The following IQCN variants were observed in gnomAD, a reference collection of about 807,000 sequenced individuals.
IQCN encodes IQ domain-containing protein N.
Under a neutral mutation model 64.4 loss-of-function variants are expected in IQCN, and 46 were observed. That is an observed-to-expected ratio of 0.71 (90% CI 0.56 to 0.91). The LOEUF (loss-of-function observed/expected upper bound fraction) is 0.91. IQCN is among the 40% of genes least tolerant of loss of function. The pLI is 0.00. For synonymous variants in IQCN, 733 were observed against 775.6 expected (o/e 0.95, Z 0.91); for missense variants, 1,753 against 1,857.4 (o/e 0.94, Z 1.03).
Position 18,267,875 on chromosome 19 carries a change from C to G in IQCN, c.14-349G>C, listed in dbSNP as rs143258879. ...TGCTGTGATCTTGGCTCACCACAACCTCCGCCTCCTGGGTTCAAGCGATTC... is the reference window on the plus strand; with the variant it reads ...TGCTGTGATCTTGGCTCACCACAACGTCCGCCTCCTGGGTTCAAGCGATTC... On this transcript the variant is annotated intron_variant, in intron 2 of 3. Coordinates refer to ENST00000392413, the MANE Select transcript of IQCN (RefSeq NM_001145304.2). The G allele has an allele frequency of 1.5e-3, 256 of 172,440 alleles. 2 individuals carry two copies. Among genetic ancestry groups the G allele is most frequent in the African/African-American group, 5.9e-3 (248 of 42,144 alleles). The allele number at this position is 172,440 out of a possible 1,614,324, so 10.7% of individuals were successfully genotyped here.
chr19:18,269,314 G>A (rs1247436392), intron 2 of IQCN, 152 bp downstream of exon 2: 4 of 726,738 alleles, frequency 5.5e-6, no homozygotes, highest in African/African-American at 3.6e-5. Context: ...AGTGGTGACT[G>A]TGGCTTTCAG....
rs1354314181 is a variant in IQCN at position 18,265,555 on chromosome 19, A to G, written c.1985T>C (p.Leu662Pro). 1.2e-5 allele frequency: 20 copies of G among 1,611,736 alleles called. No individual in the cohort carries two copies. Among genetic ancestry groups the G allele is most frequent in the Non-Finnish European group, 1.6e-5 (19 of 1,178,394 alleles). ...TGAGGCATTGGTCAGTGGGGCAGCC[A>G]GCTGTCCCCGGGGCAGGGTGACAGC... ...DMAVTLPRGQ[L>P]AAPLTNASSQ... Residue 662 changes from leucine (L) to proline (P), a missense_variant, in exon 3 of 4, where the codon CTG (leucine) becomes CCG (proline). Physicochemically the swap from Leu to Pro is moderately conservative, Grantham distance 98. Coordinates refer to ENST00000392413, the MANE Select transcript of IQCN (RefSeq NM_001145304.2). This position sits in a 1 kb window ranked among gnomAD's most constrained non-coding sequence, Gnocchi z 4.7.
Position 18,265,631 on chromosome 19 carries a change from C to T in IQCN, c.1909G>A (p.Val637Ile). The T allele has an allele frequency of 6.2e-7, 1 of 1,614,096 alleles. No individual in the cohort carries two copies. The highest frequency in any genetic ancestry group is 8.5e-7 in the Non-Finnish European group (1 of 1,180,018). Reference sequence around the variant, plus strand: ...GGTGGCTTGTCCCCTTCCTCAGCAACTTTTGTCCAGGATGGAGCCCCAGCC... The same window carrying T: ...GGTGGCTTGTCCCCTTCCTCAGCAATTTTTGTCCAGGATGGAGCCCCAGCC... ...EMAGAPSWTK[V>I]AEEGDKPPHV... Residue 637 changes from valine (V) to isoleucine (I), a missense_variant, in exon 3 of 4, where the codon GTT becomes ATT. Transcript: ENST00000392413. The surrounding 1 kb of genome is among the most constrained non-coding windows in gnomAD (Gnocchi z 4.7).
Position 18,269,451 on chromosome 19 carries a change from A to C in IQCN, c.13+15T>G. 1.2e-6 allele frequency: 2 copies of C among 1,613,886 alleles called. No individual in the cohort carries two copies. The highest frequency in any genetic ancestry group is 1.7e-6 in the Non-Finnish European group (2 of 1,179,828). On this transcript the variant is annotated intron_variant, in intron 2 of 3. Transcript: ENST00000392413. ...TGGACTAGCCAGACCCCTTGCCCAT[A>C]GACCATCTTCTTACCTTGAAGGGTC...
chr19:18,265,972 GGA>G lies in IQCN; in HGVS notation c.1566_1567del (p.Pro523AsnfsTer26). 1 of 1,614,172 alleles carries G rather than the reference GGA, an allele frequency of 6.2e-7. No individual in the cohort carries two copies. Among genetic ancestry groups the G allele is most frequent in the Non-Finnish European group, 8.5e-7 (1 of 1,180,024 alleles). ...TGGAGCCTTGACATTTGCCACTGTT[GGA>G]GAGGCCAGACACAGAGTCTTGAGGA... On this transcript the variant is annotated frameshift_variant, in exon 3 of 4. Transcript: ENST00000392413. LOFTEE classifies it high-confidence loss of function. The surrounding 1 kb of genome is among the most constrained non-coding windows in gnomAD (Gnocchi z 4.7).
At chr19:18,262,546 CT>C (rs1969453817) in intron 3 of IQCN, 1 of 152,222 alleles carries the variant, frequency 6.6e-6, no homozygotes, top group African/African-American at 2.4e-5. Flanking sequence ...TGACCTTGGT[CT>C]GAGGCCACTC....
intron 1 of IQCN, among the ~76,000 whole-genome samples, chr19:18,271,848 C>G (rs986595601): frequency 6.6e-6 from 1 of 152,150 alleles, no homozygotes; most frequent in African/African-American, 2.4e-5. Flanking sequence ...CTCTGTCCCC[C>G]AGGCTGGAGT....
chr19:18,259,914 T>C (rs1246923963), intron 3 of IQCN: 1 of 152,312 alleles, frequency 6.6e-6, no homozygotes, highest in African/African-American at 2.4e-5. Flanking sequence ...AGCCATGCCA[T>C]TGGCCACCTG....
chr19:18,273,949 G>A (rs1969798070), intron 1 of IQCN, among the ~76,000 whole-genome samples: 1 of 152,114 alleles, frequency 6.6e-6, no homozygotes, highest in Admixed American at 6.6e-5. Context: ...CAAGACATAA[G>A]ATCACCATCC....
At position 18,267,515 on chromosome 19, in the gene IQCN, G is replaced by C; in HGVS notation, c.25C>G (p.Leu9Val). The part of the protein sequence containing the change: MTLQGRAD[L>V]SGNQGNAAGR... Reference sequence around the variant, plus strand: ...GCTGCATTGCCTTGATTACCGGACAGGTCAGCTCTGCCTGTGGGGGCGGCA... The same window carrying C: ...GCTGCATTGCCTTGATTACCGGACACGTCAGCTCTGCCTGTGGGGGCGGCA... The change falls in exon 3 of 4, where the codon CTG (leucine) becomes GTG (valine). Residue 9 changes from leucine (L) to valine (V), a missense_variant. Leu to Val is a conservative substitution (Grantham distance 32). Coordinates refer to ENST00000392413, the MANE Select transcript of IQCN (RefSeq NM_001145304.2). The C allele has an allele frequency of 6.6e-7, 1 of 1,520,684 alleles. No individual in the cohort carries two copies. The highest frequency in any genetic ancestry group is 1.3e-5 in the South Asian group (1 of 74,830). The allele number at this position is 1,520,684 out of a possible 1,614,324, so 94.2% of individuals were successfully genotyped here.
chr19:18,268,009 G>A (rs2098592), intron 2 of IQCN: 78,622 of 151,516 alleles, frequency 0.52, 21,243 homozygotes, highest in African/African-American at 0.67. Context: ...TGTTGGCCAG[G>A]CTGGTCTCGA....
chr19:18,264,409 G>A lies in IQCN; in HGVS notation c.3131C>T (p.Ala1044Val). The A allele has an allele frequency of 3.3e-6, 5 of 1,536,768 alleles. No homozygotes were observed. Among genetic ancestry groups the A allele is most frequent in the Non-Finnish European group, 4.4e-6 (5 of 1,139,276 alleles). ...VKVACRRSPS[A>V]AWGPSLGPVR... The stretch of plus-strand genomic sequence containing the variant: ...GGGGCCCAGGGAGGGCCCCCATGCG[G>A]CCGATGGACTCCTCCTGCAGGCCAC... Residue 1044 changes from alanine (A) to valine (V), a missense_variant, in exon 3 of 4, where the codon GCC becomes GTC. Coordinates refer to ENST00000392413, the MANE Select transcript of IQCN (RefSeq NM_001145304.2). This position sits in a 1 kb window ranked among gnomAD's most constrained non-coding sequence, Gnocchi z 4.3.
chr19:18,264,455 T>C lies in IQCN; in HGVS notation c.3085A>G (p.Lys1029Glu). The change falls in exon 3 of 4, where the codon AAG (lysine) becomes GAG (glutamate). Residue 1029 changes from lysine to glutamate, a missense_variant. Lys to Glu is a moderately conservative substitution (Grantham distance 56, BLOSUM62 1). Transcript: ENST00000392413. The surrounding 1 kb of genome is among the most constrained non-coding windows in gnomAD (Gnocchi z 4.3). ...ASKSTGSGVT[K>E]TPALVKVACR... ...GCCACCTTCACCAGGGCCGGCGTCT[T>C]AGTCACCCCGCTTCCTGTTGATTTC... The C allele has an allele frequency of 6.4e-7, 1 of 1,551,182 alleles. No homozygotes were observed. Among genetic ancestry groups the C allele is most frequent in the Non-Finnish European group, 8.7e-7 (1 of 1,146,858 alleles).
chr19:18,265,952 C>G lies in IQCN; in HGVS notation c.1588G>C (p.Ala530Pro). The change falls in exon 3 of 4, where the codon GCT becomes CCT. Residue 530 changes from alanine (A) to proline (P), a missense_variant. By Grantham distance (27) the Ala-to-Pro change is conservative. Coordinates refer to ENST00000392413, the MANE Select transcript of IQCN (RefSeq NM_001145304.2). This position sits in a 1 kb window ranked among gnomAD's most constrained non-coding sequence, Gnocchi z 4.7. ...GCTGCTACCGCCACTTGGGGTGGAG[C>G]CTTGACATTTGCCACTGTTGGAGAG... The part of the protein sequence containing the change: ...LASPTVANVK[A>P]PPQVAVAAGT... 2.5e-6 allele frequency: 4 copies of G among 1,614,116 alleles called. No homozygotes were observed. The highest frequency in any genetic ancestry group is 3.4e-6 in the Non-Finnish European group (4 of 1,180,018).
chr19:18,267,514 A>G lies in IQCN; in HGVS notation c.26T>C (p.Leu9Pro), dbSNP rs1267365351. MTLQGRAD[L>P]SGNQGNAAGR... ...GGCTGCATTGCCTTGATTACCGGAC[A>G]GGTCAGCTCTGCCTGTGGGGGCGGC... The change falls in exon 3 of 4, where the codon CTG becomes CCG. Residue 9 changes from leucine (L) to proline (P), a missense_variant. Physicochemically the swap from Leu to Pro is moderately conservative, Grantham distance 98. Transcript: ENST00000392413. 1 of 1,519,804 alleles carries G rather than the reference A, an allele frequency of 6.6e-7. No homozygotes were observed. Among genetic ancestry groups the G allele is most frequent in the Non-Finnish European group, 8.8e-7 (1 of 1,136,316 alleles). The allele number at this position is 1,519,804 out of a possible 1,614,324, so 94.1% of individuals were successfully genotyped here.
intron 3 of IQCN, among the ~76,000 whole-genome samples, chr19:18,263,904 G>C (rs769314427): frequency 1.3e-5 from 2 of 152,140 alleles, no homozygotes; most frequent in Non-Finnish European, 2.9e-5. Flanking sequence ...GTGGCAGCTC[G>C]GGGCTGTGCC....
Position 18,267,059 on chromosome 19 carries a change from C to G in IQCN, c.481G>C (p.Gly161Arg). 6.2e-7 allele frequency: 1 copy of G among 1,614,244 alleles called. No individual in the cohort carries two copies. Among genetic ancestry groups the G allele is most frequent in the Non-Finnish European group, 8.5e-7 (1 of 1,180,044 alleles). The change falls in exon 3 of 4, where the codon GGG (glycine) becomes CGG (arginine). Residue 161 changes from glycine (G) to arginine (R), a missense_variant. By Grantham distance (125) the Gly-to-Arg change is moderately radical. Transcript: ENST00000392413. The stretch of plus-strand genomic sequence containing the variant: ...TGTGGGGCGTGATAAGGTATGTCCC[C>G]CTCCTCCGCCCTCGTTTTCTTTACC... ...SLVKKTRAEE[G>R]DIPYHAPQQV...
chr19:18,264,462 C>T lies in IQCN; in HGVS notation c.3078G>A (p.Gly1026=), dbSNP rs1969498078. Residue 1026 remains glycine, a synonymous_variant, in exon 3 of 4, where the codon GGG becomes GGA. Transcript: ENST00000392413. The surrounding 1 kb of genome is among the most constrained non-coding windows in gnomAD (Gnocchi z 4.3). The part of the protein sequence containing the change: ...PKAASKSTGS[G]VTKTPALVKV... ...TCACCAGGGCCGGCGTCTTAGTCAC[C>T]CCGCTTCCTGTTGATTTCGAGGCGG... is the stretch of plus-strand genomic sequence containing the variant. The T allele has an allele frequency of 6.4e-7, 1 of 1,551,414 alleles. No individual in the cohort carries two copies. The highest frequency in any genetic ancestry group is 1.4e-5 in the African/African-American group (1 of 73,174).
chr19:18,264,566 ACAGGGCCTGGCTCAGAGC>A lies in IQCN; in HGVS notation c.2956_2973del (p.Ala986_Leu991del), dbSNP rs1969502532. The stretch of plus-strand genomic sequence containing the variant: ...AGGAGAGCACCCAGCTCACCCTGAC[ACAGGGCCTGGCTCAGAGC>A]CACCCACTCCTCCTCCGTCAAAGCC... On this transcript the variant is annotated inframe_deletion, in exon 3 of 4. Transcript: ENST00000392413. This position sits in a 1 kb window ranked among gnomAD's most constrained non-coding sequence, Gnocchi z 4.3. 6.4e-7 allele frequency: 1 copy of A among 1,551,206 alleles called. No individual in the cohort carries two copies. Among genetic ancestry groups the A allele is most frequent in the Admixed American group, 2.0e-5 (1 of 50,972 alleles).
Sources: gnomAD v4.1 joint callset for allele counts (sites outside exome capture counted in the v4.1 genomes callset) on GRCh38, gnomAD v4.1.1 for gene constraint, Gnocchi (gnomAD v3.1) non-coding constraint, MANE v1.5 for transcripts, NCBI Gene and HGNC (gene_info 2026-07-23, HGNC 2026-07-21) for gene names.